OR6C74: variants seen among roughly 807,000 people sequenced by gnomAD.
OR6C74 encodes olfactory receptor family 6 subfamily C member 74, also known as olfactory receptor 6C74.
For missense variants in OR6C74, 361 were observed against 362.9 expected (o/e 0.99, Z 0.04); for synonymous variants, 142 against 134.2 (o/e 1.06, Z -0.40).
chr12:55,250,761 C>T lies in OR6C74; in HGVS notation c.*2535C>T, dbSNP rs375114427. On this transcript the variant is annotated 3_prime_UTR_variant, in exon 2 of 2. Coordinates refer to ENST00000343399, the MANE Select transcript of OR6C74 (RefSeq NM_001005490.2). ...CTGTTTTTCACCAGTATTAGGTTGG[C>T]GCAAAAGGAATTGCAGTTTCACCAT... Among the ~76,000 whole-genome samples the T allele has an allele frequency of 1.3e-5, 2 of 151,902 alleles. No individual in the cohort carries two copies. Among genetic ancestry groups the T allele is most frequent in the Non-Finnish European group, 2.9e-5 (2 of 67,960 alleles).
In OR6C74 at chr12:55,244,761, A is replaced by T. The variant is rs748128999; in HGVS notation, c.-66A>T. Among the ~76,000 whole-genome samples, 20 of 152,226 alleles carry T rather than the reference A, an allele frequency of 1.3e-4. No homozygotes were observed. Among genetic ancestry groups the T allele is most frequent in the Non-Finnish European group, 2.6e-4 (18 of 67,952 alleles). ...ATATATGCTCCAAATTTAATTTAAT[A>T]CAACATAAATCAGAGAACATCTTAT... On this transcript the variant is annotated 5_prime_UTR_variant, in exon 1 of 2. Transcript: ENST00000343399.
intron 1 of OR6C74, among the ~76,000 whole-genome samples, chr12:55,246,364 T>G (rs1954269930): frequency 6.6e-6 from 1 of 152,128 alleles, no homozygotes; most frequent in African/African-American, 2.4e-5. Context: ...TTTTCACTGA[T>G]TTATTTATAG....
rs1272151797 is a variant in OR6C74, at chr12:55,249,038, A to G, written c.*812A>G. Among the ~76,000 whole-genome samples, 1 of 152,162 alleles carries G rather than the reference A, an allele frequency of 6.6e-6. No individual in the cohort carries two copies. The highest frequency in any genetic ancestry group is 2.4e-5 in the African/African-American group (1 of 41,448). ...AAAAATGATGCCTTCATGTCCACTC[A>G]CCGCTTACACATTTTTAGCAAAACG... On this transcript the variant is annotated 3_prime_UTR_variant, in exon 2 of 2. Transcript: ENST00000343399.
rs567977838 is a variant in OR6C74, at chr12:55,256,307, C to T, written c.*8081C>T. Among the ~76,000 whole-genome samples the T allele has an allele frequency of 9.2e-5, 14 of 152,152 alleles. No homozygotes were observed. In the South Asian group the frequency reaches 1.5e-3, roughly 16 times the overall value. Reference sequence around the variant, plus strand: ...CATATGGATAAGATAGGGCTATAAACGCCCTCATCTTGCCACAGCTCTTCT... The same window carrying T: ...CATATGGATAAGATAGGGCTATAAATGCCCTCATCTTGCCACAGCTCTTCT... On this transcript the variant is annotated 3_prime_UTR_variant, in exon 2 of 2. Transcript: ENST00000343399.
chr12:55,248,457 T>C lies in OR6C74; in HGVS notation c.*231T>C, dbSNP rs969717761. ...TTTGGTCAAAATCATTTGCCTGTTA[T>C]TTATTGCCTCTTTTATTTCCTCTCA... On this transcript the variant is annotated 3_prime_UTR_variant, in exon 2 of 2. Transcript: ENST00000343399. Among the ~76,000 whole-genome samples the C allele has an allele frequency of 1.3e-5, 2 of 152,166 alleles. No homozygotes were observed. The highest frequency in any genetic ancestry group is 2.9e-5 in the Non-Finnish European group (2 of 68,028).
chr12:55,251,515 A>G lies in OR6C74; in HGVS notation c.*3289A>G, dbSNP rs1954311084. The stretch of plus-strand genomic sequence containing the variant: ...ATGAGTGAAGTTAATATGTTCATCT[A>G]TAAAATAAGATTAAAATGTGGCATT... On this transcript the variant is annotated 3_prime_UTR_variant, in exon 2 of 2. Transcript: ENST00000343399. 6.6e-6 allele frequency among the ~76,000 whole-genome samples: 1 copy of G among 152,056 alleles called. No homozygotes were observed. Among genetic ancestry groups the G allele is most frequent in the African/African-American group, 2.4e-5 (1 of 41,440 alleles).
At chr12:55,246,996 T>C (rs1954273890) in intron 1 of OR6C74, among the ~76,000 whole-genome samples, 1 of 151,700 alleles carries the variant, frequency 6.6e-6, no homozygotes, top group Non-Finnish European at 1.5e-5. Flanking sequence ...TTATGATAGT[T>C]CTTGTGTTTG....
In OR6C74 at chr12:55,251,863, T is replaced by C. The variant is rs147310300; in HGVS notation, c.*3637T>C. On this transcript the variant is annotated 3_prime_UTR_variant, in exon 2 of 2. Transcript: ENST00000343399. ...GAAAATATTTAGGGTACTAATGACA[T>C]GGAGCTTGAGAAAAAATTGCTTATA... Among the ~76,000 whole-genome samples the C allele has an allele frequency of 1.2e-3, 187 of 151,822 alleles. No individual in the cohort carries two copies. The highest frequency in any genetic ancestry group is 2.3e-3 in the Admixed American group (35 of 15,240).
intron 1 of OR6C74, among the ~76,000 whole-genome samples, chr12:55,246,040 A>G (rs374930252): frequency 6.6e-6 from 1 of 152,198 alleles, no homozygotes; most frequent in Non-Finnish European, 1.5e-5. Flanking sequence ...ACACAATGTA[A>G]TAATGTTCAT....
Position 55,247,578 on chromosome 12 carries a change from A to G in OR6C74, c.291A>G (p.Ala97=), listed in dbSNP as rs975899620. The change falls in exon 2 of 2, where the codon GCA becomes GCG. Residue 97 remains alanine (A), a synonymous_variant. Transcript: ENST00000343399. ...DKTISYNDCA[A]QLFFTILLGA... is the part of the protein sequence containing the mutation. The stretch of plus-strand genomic sequence containing the variant: ...CCATTTCTTACAACGATTGTGCAGC[A>G]CAGCTGTTTTTCACTATTCTCTTGG... 1 of 1,613,790 alleles carries G rather than the reference A, an allele frequency of 6.2e-7. No homozygotes were observed. Among genetic ancestry groups the G allele is most frequent in the Non-Finnish European group, 8.5e-7 (1 of 1,179,886 alleles).
In OR6C74 at chr12:55,249,929, C is replaced by T. The variant is rs549204571; in HGVS notation, c.*1703C>T. 3.9e-5 allele frequency among the ~76,000 whole-genome samples: 6 copies of T among 152,166 alleles called. No homozygotes were observed. Among genetic ancestry groups the T allele is most frequent in the East Asian group, 3.9e-4 (2 of 5,160 alleles). On this transcript the variant is annotated 3_prime_UTR_variant, in exon 2 of 2. Transcript: ENST00000343399. ...TCTCCCCCCACCTCACAGCAGGCCC[C>T]GGTGTGTGATGTTCGCCTTCCTGTG...
rs937003527 is a variant in OR6C74, at chr12:55,255,995, C to A, written c.*7769C>A. ...AAGATGAATACATAATGTAGGGAGA[C>A]CCCCTGAAACTATTGCTATGGAATA... On this transcript the variant is annotated 3_prime_UTR_variant, in exon 2 of 2. Transcript: ENST00000343399. Among the ~76,000 whole-genome samples, 2 of 151,736 alleles carry A rather than the reference C, an allele frequency of 1.3e-5. No individual in the cohort carries two copies. Among genetic ancestry groups the A allele is most frequent in the East Asian group, 1.9e-4 (1 of 5,166 alleles).
In OR6C74 at chr12:55,256,490, T is replaced by A. The variant is rs1565649334; in HGVS notation, c.*8264T>A. ...TGCTAATCATAGGTTATGGAAAGAC[T>A]GTGTTTCTGTTTTAAGGCTCTGTTA... On this transcript the variant is annotated 3_prime_UTR_variant, in exon 2 of 2. Coordinates refer to ENST00000343399, the MANE Select transcript of OR6C74 (RefSeq NM_001005490.2). 1.3e-5 allele frequency among the ~76,000 whole-genome samples: 2 copies of A among 152,134 alleles called. No individual in the cohort carries two copies. The highest frequency in any genetic ancestry group is 2.1e-4 in the South Asian group (1 of 4,830).
rs559271816 is a variant in OR6C74, at chr12:55,255,965, A to G, written c.*7739A>G. 1.6e-4 allele frequency among the ~76,000 whole-genome samples: 24 copies of G among 152,152 alleles called. No homozygotes were observed. The highest frequency in any genetic ancestry group is 6.8e-3 in the Middle Eastern group (2 of 294). On this transcript the variant is annotated 3_prime_UTR_variant, in exon 2 of 2. Transcript: ENST00000343399. ...GGTAGTAAAATTATTCTATATAGTA[A>G]TGTAAAGATGAATACATAATGTAGG...
At position 55,248,097 on chromosome 12, in the gene OR6C74, A is replaced by G; in HGVS notation, c.810A>G (p.Lys270=). The change falls in exon 2 of 2, where the codon AAA becomes AAG. Residue 270 remains lysine (K), a synonymous_variant. Coordinates refer to ENST00000343399, the MANE Select transcript of OR6C74 (RefSeq NM_001005490.2). ...PSAKERVSLN[K]GIALLSTSVA... ...CAAAAGAAAGAGTGTCATTAAATAA[A>G]GGGATAGCTCTGCTCAGCACTTCTG... The G allele has an allele frequency of 2.5e-6, 4 of 1,614,042 alleles. No homozygotes were observed. Among genetic ancestry groups the G allele is most frequent in the Non-Finnish European group, 3.4e-6 (4 of 1,179,930 alleles).
chr12:55,247,530 T>C lies in OR6C74; in HGVS notation c.243T>C (p.Val81=). ...FTTVYIPKFL[V]SMATGDKTIS... is the part of the protein sequence containing the mutation. Reference sequence around the variant, plus strand: ...CTGTCTACATTCCCAAATTTCTTGTTAGTATGGCAACAGGTGATAAGACCA... The same window carrying C: ...CTGTCTACATTCCCAAATTTCTTGTCAGTATGGCAACAGGTGATAAGACCA... The change falls in exon 2 of 2, where the codon GTT becomes GTC. Residue 81 remains valine, a synonymous_variant. Coordinates refer to ENST00000343399, the MANE Select transcript of OR6C74 (RefSeq NM_001005490.2). 6.2e-7 allele frequency: 1 copy of C among 1,613,352 alleles called. No individual in the cohort carries two copies. Among genetic ancestry groups the C allele is most frequent in the South Asian group, 1.1e-5 (1 of 90,930 alleles).
In OR6C74 at chr12:55,252,495, T is replaced by A. The variant is rs1485731833; in HGVS notation, c.*4269T>A. ...ATGTAATTTTCTAAAAGCACACAAA[T>A]GTTTTAAAATATTAAAATGATTATG... On this transcript the variant is annotated 3_prime_UTR_variant, in exon 2 of 2. Transcript: ENST00000343399. 2.6e-5 allele frequency among the ~76,000 whole-genome samples: 4 copies of A among 151,906 alleles called. No homozygotes were observed. The highest frequency in any genetic ancestry group is 5.9e-5 in the Non-Finnish European group (4 of 67,864).
rs951373887 is a variant in OR6C74 at position 55,249,094 on chromosome 12, C to T, written c.*868C>T. On this transcript the variant is annotated 3_prime_UTR_variant, in exon 2 of 2. Transcript: ENST00000343399. ...AAAATCTCTCTCTGCTCTTAAGTCA[C>T]TTAGAATGCAAAAGAACAGTAAGAC... 1.3e-5 allele frequency among the ~76,000 whole-genome samples: 2 copies of T among 152,102 alleles called. No individual in the cohort carries two copies. The highest frequency in any genetic ancestry group is 4.8e-5 in the African/African-American group (2 of 41,422).
In OR6C74 at chr12:55,256,562, A is replaced by G. The variant is rs187123775; in HGVS notation, c.*8336A>G. Among the ~76,000 whole-genome samples, 129 of 152,224 alleles carry G rather than the reference A, an allele frequency of 8.5e-4. 1 individual carries two copies. Among genetic ancestry groups the G allele is most frequent in the Non-Finnish European group, 8.4e-4 (57 of 67,982 alleles). ...ATATTGTAAACTCTTATCTCTGTAT[A>G]CTGTACTTCTGCATACAGATGTTAT... is the stretch of plus-strand genomic sequence containing the variant. On this transcript the variant is annotated 3_prime_UTR_variant, in exon 2 of 2. Transcript: ENST00000343399.
Sources: gnomAD v4.1 joint callset for allele counts (sites outside exome capture counted in the v4.1 genomes callset) on GRCh38, gnomAD v4.1.1 for gene constraint, MANE v1.5 for transcripts, NCBI Gene and HGNC (gene_info 2026-07-23, HGNC 2026-07-21) for gene names.